The following YWHAE variants were observed in gnomAD, a reference collection of about 807,000 sequenced individuals.
YWHAE encodes 14-3-3 protein epsilon.
A neutral mutation model predicts 30.1 loss-of-function variants in YWHAE; 4 were observed. The ratio of observed to expected loss-of-function variants is 0.13; its 90% confidence interval spans 0.07 to 0.30. The LOEUF (loss-of-function observed/expected upper bound fraction) is 0.30. YWHAE is among the 10% of genes least tolerant of loss of function. The pLI, the probability that YWHAE is intolerant of heterozygous loss-of-function variation, is 1.00. For missense variants in YWHAE, 121 were observed against 315.9 expected (o/e 0.38, Z 4.68); for synonymous variants, 118 against 111.8 (o/e 1.06, Z -0.35).
At chr17:1,393,110 A>G (rs1054953027) in intron 1 of YWHAE, among the ~76,000 whole-genome samples, 1 of 151,248 alleles carries the variant, frequency 6.6e-6, no homozygotes, top group Non-Finnish European at 1.5e-5. Flanking sequence ...AGCCTGGGTG[A>G]CAGAGCAAGA....
intron 1 of YWHAE, among the ~76,000 whole-genome samples, chr17:1,389,588 T>C (rs1240005526): frequency 1.3e-5 from 2 of 151,310 alleles, no homozygotes; most frequent in Non-Finnish European, 2.9e-5. Context: ...TGGAGTGCAG[T>C]GGCGCGATCC....
At chr17:1,347,465 A>G (rs547462619) in intron 5 of YWHAE, among the ~76,000 whole-genome samples, 2 of 152,288 alleles carry the variant, frequency 1.3e-5, no homozygotes, top group Non-Finnish European at 2.9e-5. Flanking sequence ...CGGGGCAACA[A>G]GAGCAAAACT....
intron 1 of YWHAE, among the ~76,000 whole-genome samples, chr17:1,375,730 C>G (rs2073112102): frequency 6.6e-6 from 1 of 152,180 alleles, no homozygotes; most frequent in African/African-American, 2.4e-5. Context: ...AGACACAGAT[C>G]CACCACATGG....
At chr17:1,361,731 G>A (rs2072867946) in intron 3 of YWHAE, 171 bp downstream of exon 3, 1 of 535,524 alleles carries the variant, frequency 1.9e-6, no homozygotes, top group Admixed American at 3.7e-5. Flanking sequence ...ATAAGCAAAA[G>A]CTAATACATT....
intron 1 of YWHAE, among the ~76,000 whole-genome samples, chr17:1,394,740 G>T (rs2073442261): frequency 6.6e-6 from 1 of 152,110 alleles, no homozygotes; most frequent in Admixed American, 6.5e-5. Flanking sequence ...GCTGAGGCGG[G>T]AGGATCACCT....
intron 1 of YWHAE, chr17:1,398,936 C>A (rs969487576): frequency 2.0e-5 from 3 of 152,192 alleles, no homozygotes; most frequent in African/African-American, 7.2e-5. Flanking sequence ...CTTCAACCTT[C>A]ATAACTCAAA....
chr17:1,384,691 T>A (rs1242394830), intron 1 of YWHAE, among the ~76,000 whole-genome samples: 1 of 151,712 alleles, frequency 6.6e-6, no homozygotes. Flanking sequence ...CCTCCCAAAG[T>A]GCTGGGATTA....
At chr17:1,362,580 C>A (rs962335619) in intron 2 of YWHAE, among the ~76,000 whole-genome samples, 2 of 152,038 alleles carry the variant, frequency 1.3e-5, no homozygotes, top group African/African-American at 4.8e-5. Flanking sequence ...CACCGAAAAC[C>A]TATCTACCAA....
chr17:1,381,037 A>G (rs1261005452), intron 1 of YWHAE, among the ~76,000 whole-genome samples: 1 of 152,198 alleles, frequency 6.6e-6, no homozygotes, highest in East Asian at 1.9e-4. Flanking sequence ...CGATTTTATT[A>G]CTCACAAGGG....
intron 1 of YWHAE, among the ~76,000 whole-genome samples, chr17:1,376,985 C>T (rs8082057): frequency 0.076 from 11,313 of 149,658 alleles, 490 homozygotes; most frequent in African/African-American, 0.1. Flanking sequence ...GAAGTGCAAT[C>T]TCACTGCAAC....
At chr17:1,386,911 G>A (rs374130372) in intron 1 of YWHAE, among the ~76,000 whole-genome samples, 6 of 151,474 alleles carry the variant, frequency 4.0e-5, no homozygotes, top group South Asian at 2.1e-4. Flanking sequence ...CCAAGATCGC[G>A]CCATTGCACT....
At position 1,400,183 on chromosome 17, in the gene YWHAE, G is replaced by C. The variant is rs2073547801; in HGVS notation, c.-73C>G. ...GTGTCTCCGACTCTCTCAGCCTCTC[G>C]CTCCGCGTCCGGGCAGCAAAAATGG... On this transcript the variant is annotated 5_prime_UTR_variant, in exon 1 of 6. Transcript: ENST00000264335. The C allele has an allele frequency of 2.5e-6, 4 of 1,577,494 alleles. No individual in the cohort carries two copies. The highest frequency in any genetic ancestry group is 3.5e-6 in the Non-Finnish European group (4 of 1,148,940).
chr17:1,345,529 T>G, intron 5 of YWHAE, 30 bp from the exon 6 acceptor site: 1 of 1,607,580 alleles, frequency 6.2e-7, no homozygotes. Context: ...GTCAATTATT[T>G]CGTATTGACT....
chr17:1,350,050 T>C (rs948999286), intron 5 of YWHAE, among the ~76,000 whole-genome samples: 2 of 151,378 alleles, frequency 1.3e-5, no homozygotes, highest in South Asian at 4.2e-4. Context: ...ACTCCCAGGT[T>C]CAAGCGATTC....
At chr17:1,354,421 A>C in intron 4 of YWHAE, 74 bp from the exon 5 acceptor site, 1 of 1,435,386 alleles carries the variant, frequency 7.0e-7, no homozygotes, top group Non-Finnish European at 9.6e-7. Context: ...GCTAGACAGC[A>C]ATCTTTTCTT....
At chr17:1,389,416 CTTATA>C (rs1333024838) in intron 1 of YWHAE, among the ~76,000 whole-genome samples, 2 of 152,120 alleles carry the variant, frequency 1.3e-5, no homozygotes, top group South Asian at 2.1e-4. Context: ...CTGTCCAAGG[CTTATA>C]TTATGCCTTT....
chr17:1,389,125 C>A (rs186024389), intron 1 of YWHAE, among the ~76,000 whole-genome samples: 1 of 152,154 alleles, frequency 6.6e-6, no homozygotes, highest in East Asian at 1.9e-4. Context: ...GCCACTAGGT[C>A]AAGCTAATTC....
intron 1 of YWHAE, among the ~76,000 whole-genome samples, chr17:1,375,860 T>C (rs191946980): frequency 8.6e-4 from 131 of 152,346 alleles, no homozygotes; most frequent in Non-Finnish European, 1.6e-3. Context: ...ATGTTGTTCA[T>C]TCAACAGACT....
chr17:1,377,654 C>A (rs2073145195), intron 1 of YWHAE, among the ~76,000 whole-genome samples: 1 of 152,052 alleles, frequency 6.6e-6, no homozygotes, highest in South Asian at 2.1e-4. Flanking sequence ...CTGGAAAGGT[C>A]CTGAGCTTGC....
Sources: gnomAD v4.1 joint callset for allele counts (sites outside exome capture counted in the v4.1 genomes callset) on GRCh38, gnomAD v4.1.1 for gene constraint, MANE v1.5 for transcripts, NCBI Gene and HGNC (gene_info 2026-07-23, HGNC 2026-07-21) for gene names.